Variants in EYS observed in about 807,000 individuals in gnomAD.
EYS encodes EGF-like photoreceptor maintenance factor, also known as protein eyes shut homolog.
A neutral mutation model predicts 282.1 loss-of-function variants in EYS; 250 were observed. The observed-to-expected ratio is 0.89, with a 90% CI of 0.80 to 0.98. EYS has a LOEUF of 0.98. Ranked by LOEUF, EYS falls within the 50% of genes least tolerant of loss-of-function variation. The pLI is 0.00. For missense variants in EYS, 4,016 were observed against 3,709.0 expected (o/e 1.08, Z -2.15); for synonymous variants, 1,355 against 1,282.9 (o/e 1.06, Z -1.20).
intron 26 of EYS, among the ~76,000 whole-genome samples, chr6:64,489,679 A>G (rs908416605): frequency 3.3e-5 from 5 of 150,296 alleles, no homozygotes; most frequent in Admixed American, 2.0e-4. Context: ...TGTTTCTTCT[A>G]TCAGCTTAGA....
chr6:63,880,074 G>A (rs1281652803), intron 35 of EYS, among the ~76,000 whole-genome samples: 2 of 152,162 alleles, frequency 1.3e-5, no homozygotes, highest in Non-Finnish European at 2.9e-5. Context: ...TTTAGGGCAT[G>A]AGCATGGTGA....
chr6:64,482,327 A>G (rs1281360930), intron 26 of EYS, among the ~76,000 whole-genome samples: 1 of 151,658 alleles, frequency 6.6e-6, no homozygotes, highest in East Asian at 1.9e-4. Context: ...TCCATTATCT[A>G]TATATCAGTT....
chr6:64,225,115 T>A (rs1442568710), intron 31 of EYS, among the ~76,000 whole-genome samples: 1 of 152,168 alleles, frequency 6.6e-6, no homozygotes, highest in African/African-American at 2.4e-5. Context: ...AGCCTCATTA[T>A]AGCTCTTGTT....
intron 36 of EYS, among the ~76,000 whole-genome samples, chr6:63,859,060 T>C (rs970491259): frequency 2.7e-5 from 4 of 148,990 alleles, no homozygotes; most frequent in Admixed American, 1.3e-4. Flanking sequence ...TTGATTTCCA[T>C]TGATGTCCTA....
At position 64,144,452 on chromosome 6, in the gene EYS, CTA is replaced by C. The variant is rs551554281; in HGVS notation, c.6425-62452_6425-62451del. Among the ~76,000 whole-genome samples, 20 of 152,248 alleles carry C rather than the reference CTA, an allele frequency of 1.3e-4. No individual in the cohort carries two copies. In the South Asian group the frequency reaches 3.9e-3, roughly 30 times the overall value. On this transcript the variant is annotated intron_variant, in intron 31 of 42. Coordinates refer to ENST00000503581, the MANE Select transcript of EYS (RefSeq NM_001142800.2). ...GTGACCACTGGTCCTGTTTTATGCA[CTA>C]TACTTCAATTTGCTATGAAGCAAGT...
chr6:64,619,326 A>G (rs1767372824), intron 23 of EYS, among the ~76,000 whole-genome samples: 1 of 152,200 alleles, frequency 6.6e-6, no homozygotes, highest in African/African-American at 2.4e-5. Context: ...TGGGAAGTGT[A>G]AAAGAAAAAT....
At chr6:64,550,686 T>G (rs1765046736) in intron 26 of EYS, among the ~76,000 whole-genome samples, 1 of 152,160 alleles carries the variant, frequency 6.6e-6, no homozygotes, top group Non-Finnish European at 1.5e-5. Flanking sequence ...TGTTTTCAGA[T>G]GACATGATTG....
chr6:63,851,919 A>G (rs1772262556), intron 36 of EYS, among the ~76,000 whole-genome samples: 1 of 152,144 alleles, frequency 6.6e-6, no homozygotes, highest in Non-Finnish European at 1.5e-5. Flanking sequence ...GCACTTTGGG[A>G]GGCCGAGGCG....
intron 22 of EYS, among the ~76,000 whole-genome samples, chr6:64,641,592 T>C (rs926736755): frequency 1.3e-5 from 2 of 152,156 alleles, no homozygotes; most frequent in South Asian, 4.1e-4. Context: ...TGAATTTCAC[T>C]TTGAGATAAA....
At chr6:65,157,921 T>G (rs1026619703) in intron 12 of EYS, among the ~76,000 whole-genome samples, 26 of 150,954 alleles carry the variant, frequency 1.7e-4, no homozygotes, top group African/African-American at 4.6e-4. Flanking sequence ...TGTGCATTAT[T>G]TTTTCTGGCA....
intron 11 of EYS, chr6:65,330,544 G>T: frequency 2.0e-6 from 2 of 983,976 alleles, no homozygotes; most frequent in Non-Finnish European, 2.4e-6. Context: ...GCAAAAAAAT[G>T]TGGTAATATG....
At chr6:64,150,788 G>A (rs1442379425) in intron 31 of EYS, among the ~76,000 whole-genome samples, 1 of 152,136 alleles carries the variant, frequency 6.6e-6, no homozygotes, top group Non-Finnish European at 1.5e-5. Context: ...TTGAAGCCAG[G>A]AGTTTGAGAC....
intron 19 of EYS, among the ~76,000 whole-genome samples, chr6:64,835,644 A>C (rs185898160): frequency 5.5e-4 from 84 of 151,844 alleles, no homozygotes; most frequent in African/African-American, 2.0e-3. Flanking sequence ...ACATAGCCAC[A>C]GGATAATATA....
intron 30 of EYS, among the ~76,000 whole-genome samples, chr6:64,264,057 A>G (rs1411801706): frequency 6.6e-6 from 1 of 152,024 alleles, no homozygotes; most frequent in Non-Finnish European, 1.5e-5. Context: ...CTATTGGTAT[A>G]GATATTTTAG....
chr6:65,241,695 A>G (rs1374958886), intron 12 of EYS, among the ~76,000 whole-genome samples: 2 of 152,026 alleles, frequency 1.3e-5, no homozygotes, highest in African/African-American at 2.4e-5. Context: ...CCTATGTACC[A>G]TATTTATGGT....
chr6:64,135,216 T>G (rs1387509036), intron 31 of EYS, among the ~76,000 whole-genome samples: 4 of 151,990 alleles, frequency 2.6e-5, no homozygotes, highest in African/African-American at 9.7e-5. Context: ...GTGGTGCTTT[T>G]TTTTTTAACA....
chr6:65,275,806 T>G (rs1768029626), intron 12 of EYS, among the ~76,000 whole-genome samples: 1 of 152,134 alleles, frequency 6.6e-6, no homozygotes, highest in African/African-American at 2.4e-5. Context: ...GCAGATTGGT[T>G]ACTTGAAACA....
At chr6:64,720,010 A>G (rs1771523109) in intron 22 of EYS, among the ~76,000 whole-genome samples, 1 of 152,146 alleles carries the variant, frequency 6.6e-6, no homozygotes, top group Non-Finnish European at 1.5e-5. Flanking sequence ...TTACTAAAAC[A>G]CTAGTGTCTT....
intron 11 of EYS, among the ~76,000 whole-genome samples, chr6:65,300,612 T>C (rs1768792964): frequency 6.6e-6 from 1 of 152,168 alleles, no homozygotes; most frequent in Non-Finnish European, 1.5e-5. Context: ...GCTCTCCACT[T>C]ATATTGAAAA....
Sources: gnomAD v4.1 joint callset for allele counts (sites outside exome capture counted in the v4.1 genomes callset) on GRCh38, gnomAD v4.1.1 for gene constraint, MANE v1.5 for transcripts, NCBI Gene and HGNC (gene_info 2026-07-23, HGNC 2026-07-21) for gene names.